NRG3: variants seen among roughly 807,000 people sequenced by gnomAD.
The protein encoded by NRG3 is pro-neuregulin-3, membrane-bound isoform.
A neutral mutation model predicts 66.9 loss-of-function variants in NRG3; 31 were observed. The ratio of observed to expected loss-of-function variants is 0.46; its 90% confidence interval spans 0.35 to 0.63. The LOEUF (loss-of-function observed/expected upper bound fraction) is 0.63. NRG3 is among the 20% of genes least tolerant of loss of function. NRG3 has a pLI of 0.00. For synonymous variants in NRG3, 393 were observed against 359.4 expected (o/e 1.09, Z -1.06); for missense variants, 910 against 878.9 (o/e 1.04, Z -0.45).
intron 1 of NRG3, among the ~76,000 whole-genome samples, chr10:82,296,821 T>C (rs1325005032): frequency 6.6e-6 from 1 of 152,168 alleles, no homozygotes; most frequent in African/African-American, 2.4e-5. Flanking sequence ...TATATTTGTT[T>C]GTTAAATGGG....
chr10:82,125,176 G>T (rs1458454576), intron 1 of NRG3, among the ~76,000 whole-genome samples: 1 of 151,934 alleles, frequency 6.6e-6, no homozygotes, highest in Non-Finnish European at 1.5e-5. Flanking sequence ...TTAGATGAGA[G>T]AGGCATCCCC....
intron 2 of NRG3, among the ~76,000 whole-genome samples, chr10:82,582,626 A>G (rs2046420507): frequency 1.3e-5 from 2 of 151,938 alleles, no homozygotes; most frequent in Admixed American, 1.3e-4. Context: ...CAAGGACCAA[A>G]AAAGAATGCA....
intron 2 of NRG3, among the ~76,000 whole-genome samples, chr10:82,589,631 G>T (rs569266947): frequency 6.6e-6 from 1 of 152,240 alleles, no homozygotes; most frequent in African/African-American, 2.4e-5. Context: ...AATGCATTAA[G>T]TAGGTGGACA....
At chr10:81,978,556 C>A (rs925230337) in intron 1 of NRG3, among the ~76,000 whole-genome samples, 1 of 152,082 alleles carries the variant, frequency 6.6e-6, no homozygotes, top group Non-Finnish European at 1.5e-5. Flanking sequence ...AGCCTCCTCC[C>A]AGTTCATCCT....
chr10:82,244,785 G>A (rs987086327), intron 1 of NRG3, among the ~76,000 whole-genome samples: 6 of 152,124 alleles, frequency 3.9e-5, no homozygotes, highest in African/African-American at 1.2e-4. Flanking sequence ...CCAGGCTGGT[G>A]TGCAGTGGCT....
At chr10:82,294,254 T>G (rs927752080) in intron 1 of NRG3, among the ~76,000 whole-genome samples, 4 of 152,208 alleles carry the variant, frequency 2.6e-5, no homozygotes, top group Non-Finnish European at 5.9e-5. Flanking sequence ...AAATAACAGA[T>G]TTATTTAACC....
At chr10:82,379,263 C>T (rs1451210724) in intron 2 of NRG3, among the ~76,000 whole-genome samples, 2 of 152,078 alleles carry the variant, frequency 1.3e-5, no homozygotes, top group African/African-American at 4.8e-5. Context: ...GCAAGTCTAA[C>T]GAAGTCTAGC....
At chr10:82,435,607 C>T (rs1406264336) in intron 2 of NRG3, among the ~76,000 whole-genome samples, 2 of 152,018 alleles carry the variant, frequency 1.3e-5, no homozygotes, top group Non-Finnish European at 2.9e-5. Flanking sequence ...TCCCTCTTAA[C>T]ACTGCTTTAA....
chr10:82,844,665 T>C (rs963825429), intron 3 of NRG3, among the ~76,000 whole-genome samples: 9 of 145,820 alleles, frequency 6.2e-5, no homozygotes, highest in Non-Finnish European at 1.0e-4. Context: ...AAAACGCCTC[T>C]ACAATCTTTT....
rs137911938 is a variant in NRG3 at position 82,065,675 on chromosome 10, C to G, written c.823+189512C>G. Among the ~76,000 whole-genome samples the G allele has an allele frequency of 3.8e-3, 585 of 152,158 alleles. 2 individuals are homozygous for G. Among genetic ancestry groups the G allele is most frequent in the Non-Finnish European group, 6.1e-3 (416 of 67,982 alleles). On this transcript the variant is annotated intron_variant, in intron 1 of 8. Transcript: ENST00000372141. ...AAAATGTTTTTAATAATTAAAAATTCTAGTTAGAAAATAAAAAAGGAGATA... is the reference window on the plus strand; with the variant it reads ...AAAATGTTTTTAATAATTAAAAATTGTAGTTAGAAAATAAAAAAGGAGATA...
At chr10:82,531,490 A>G (rs1217231936) in intron 2 of NRG3, among the ~76,000 whole-genome samples, 1 of 151,782 alleles carries the variant, frequency 6.6e-6, no homozygotes, top group East Asian at 1.9e-4. Context: ...TACTTTTAAC[A>G]TTGTTTTTGA....
At chr10:82,382,621 G>C (rs917100059) in intron 2 of NRG3, among the ~76,000 whole-genome samples, 1 of 151,824 alleles carries the variant, frequency 6.6e-6, no homozygotes, top group Admixed American at 6.6e-5. Flanking sequence ...TAAAAATCCA[G>C]TTCTCACATA....
chr10:82,720,805 T>TTATACA lies in NRG3; in HGVS notation c.954-17767_954-17762dup, dbSNP rs1555012620. Among the ~76,000 whole-genome samples, 565 of 62,856 alleles carry TTATACA rather than the reference T, an allele frequency of 9.0e-3. 9 individuals are homozygous for TTATACA. Among genetic ancestry groups the TTATACA allele is most frequent in the African/African-American group, 0.024 (318 of 13,368 alleles). The allele number at this position is 62,856 out of a possible 152,430, so 41.2% of individuals were successfully genotyped here. ...AGTAAAACACATATATAGGAGTATT[T>TTATACA]TATACATATATATATATATATATAT... On this transcript the variant is annotated intron_variant, in intron 2 of 8. Coordinates refer to ENST00000372141, the MANE Select transcript of NRG3 (RefSeq NM_001010848.4).
intron 2 of NRG3, among the ~76,000 whole-genome samples, chr10:82,655,005 A>G (rs1357013742): frequency 6.6e-6 from 1 of 151,956 alleles, no homozygotes; most frequent in African/African-American, 2.4e-5. Context: ...AGTAGTACAC[A>G]GTTTATTTTA....
At chr10:82,790,198 T>C (rs2060528718) in intron 3 of NRG3, among the ~76,000 whole-genome samples, 1 of 152,156 alleles carries the variant, frequency 6.6e-6, no homozygotes, top group South Asian at 2.1e-4. Flanking sequence ...TGTTTCTTCA[T>C]GTGAACTTAG....
intron 2 of NRG3, among the ~76,000 whole-genome samples, chr10:82,566,291 G>T (rs1438372295): frequency 6.6e-6 from 1 of 151,804 alleles, no homozygotes; most frequent in Non-Finnish European, 1.5e-5. Flanking sequence ...TATAACAGTT[G>T]ACTGTTCTTA....
intron 1 of NRG3, among the ~76,000 whole-genome samples, chr10:82,292,303 A>C (rs2079793738): frequency 6.6e-6 from 1 of 152,148 alleles, no homozygotes; most frequent in Admixed American, 6.6e-5. Context: ...TAAAGTTAAA[A>C]AAAAAGAAAA....
At chr10:82,610,706 T>C (rs1283043527) in intron 2 of NRG3, among the ~76,000 whole-genome samples, 2 of 152,174 alleles carry the variant, frequency 1.3e-5, no homozygotes, top group African/African-American at 4.8e-5. Context: ...CCCTTACTCA[T>C]TTGTATTCTT....
intron 1 of NRG3, among the ~76,000 whole-genome samples, chr10:81,916,369 T>A (rs552970040): frequency 3.3e-4 from 51 of 152,300 alleles, no homozygotes; most frequent in South Asian, 6.2e-4. Flanking sequence ...TCAAGAAACA[T>A]AATAATAAAT....
Sources: allele counts gnomAD v4.1 joint callset (sites outside exome capture counted in the v4.1 genomes callset), GRCh38; gene constraint gnomAD v4.1.1; transcripts MANE v1.5; gene names NCBI Gene and HGNC (gene_info 2026-07-23, HGNC 2026-07-21).